KLF13: variants seen among roughly 807,000 people sequenced by gnomAD.
KLF13 encodes KLF transcription factor 13, also known as Krueppel-like factor 13.
A neutral mutation model predicts 16.7 loss-of-function variants in KLF13; 8 were observed. The observed-to-expected ratio is 0.48, with a 90% CI of 0.28 to 0.87. The LOEUF is 0.87. Among genes scored for constraint, KLF13 ranks in the 40% least tolerant of loss-of-function variants. The pLI, the probability that KLF13 is intolerant of heterozygous loss-of-function variation, is 0.10. For missense variants in KLF13, 447 were observed against 452.2 expected, an observed-to-expected ratio of 0.99 and a Z score of 0.10; for synonymous variants, 245 against 208.4, an observed-to-expected ratio of 1.18 and a Z score of -1.51.
At chr15:31,334,432 C>CT (rs879438632) in intron 1 of KLF13, among the ~76,000 whole-genome samples, 109 of 146,112 alleles carry the variant, frequency 7.5e-4, no homozygotes, top group South Asian at 1.3e-3. Flanking sequence ...TTCTTTCTTT[C>CT]TTTTTTTTTT....
At chr15:31,392,013 C>T (rs2039878706), upstream of KLF13, among the ~76,000 whole-genome samples, 1 of 152,018 alleles carries the variant, frequency 6.6e-6, no homozygotes, top group East Asian at 2.0e-4. Flanking sequence ...CCGAGCCCGG[C>T]CGGGCCATTC....
At chr15:31,395,424 T>C (rs1213555306) in intron 2 of KLF13, among the ~76,000 whole-genome samples, 1 of 152,254 alleles carries the variant, frequency 6.6e-6, no homozygotes, top group East Asian at 1.9e-4. Context: ...GTGTACAAGC[T>C]TCTGTGTAGA....
chr15:31,423,260 A>G (rs2040366693), intron 1 of KLF13, among the ~76,000 whole-genome samples: 1 of 148,478 alleles, frequency 6.7e-6, no homozygotes, highest in Non-Finnish European at 1.5e-5. Context: ...AATAGGCAGT[A>G]ACACAGTAAT....
chr15:31,435,657 T>C (rs1333948472), exon 2 of KLF13: 1 of 152,046 alleles, frequency 6.6e-6, no homozygotes, highest in Non-Finnish European at 1.5e-5. Flanking sequence ...TAAAAGAGAG[T>C]TGCTCAGACG....
Position 31,398,892 on chromosome 15 carries a change from C to G in KLF13, n.530-4536C>G, listed in dbSNP as rs781221951. Reference sequence around the variant, plus strand: ...TCGCCTAGTGCTCGCCTACACAGCTCCCTTTGATCTGCCCCACTGGGCGGG... The same window carrying G: ...TCGCCTAGTGCTCGCCTACACAGCTGCCTTTGATCTGCCCCACTGGGCGGG... On this transcript the variant is annotated intron_variant and non_coding_transcript_variant, in intron 2 of 2. Coordinates refer to the KLF13 transcript ENST00000500533. Among the ~76,000 whole-genome samples, 3 of 152,162 alleles carry G rather than the reference C, an allele frequency of 2.0e-5. No individual in the cohort carries two copies. The East Asian group carries it at 5.8e-4, about 29-fold the overall frequency.
At chr15:31,333,819 G>A (rs2038878310) in intron 1 of KLF13, among the ~76,000 whole-genome samples, 1 of 152,126 alleles carries the variant, frequency 6.6e-6, no homozygotes, top group South Asian at 2.1e-4. Context: ...GCATTTGAAG[G>A]CCCAAAGCCA....
At chr15:31,395,498 C>T (rs2039941872) in intron 2 of KLF13, among the ~76,000 whole-genome samples, 1 of 151,964 alleles carries the variant, frequency 6.6e-6, no homozygotes, top group Non-Finnish European at 1.5e-5. Flanking sequence ...TTTCATTTCT[C>T]TCGGGTATAC....
chr15:31,355,371 C>T (rs2039284407), intron 1 of KLF13, among the ~76,000 whole-genome samples: 1 of 152,200 alleles, frequency 6.6e-6, no homozygotes, highest in Admixed American at 6.5e-5. Context: ...AAAGGCTGGA[C>T]TGCCGAGAGC....
intron 1 of KLF13, among the ~76,000 whole-genome samples, chr15:31,328,264 C>T (rs973897723): frequency 2.0e-5 from 3 of 151,500 alleles, no homozygotes; most frequent in Non-Finnish European, 4.4e-5. Flanking sequence ...AGGGGCCGGC[C>T]CCGGCGCGCG....
chr15:31,352,007 G>C (rs1384285803), intron 1 of KLF13, among the ~76,000 whole-genome samples: 1 of 150,792 alleles, frequency 6.6e-6, no homozygotes, highest in Non-Finnish European at 1.5e-5. Flanking sequence ...GTGAGACTCC[G>C]TGTCAAAAAA....
At chr15:31,383,296 C>T (rs1566828807) in intron 1 of KLF13, among the ~76,000 whole-genome samples, 1 of 152,224 alleles carries the variant, frequency 6.6e-6, no homozygotes, top group Non-Finnish European at 1.5e-5. Flanking sequence ...GGAGGATGGC[C>T]TCCTTCCCGG....
chr15:31,385,453 G>C (rs1330610792), intron 1 of KLF13, among the ~76,000 whole-genome samples: 4 of 152,184 alleles, frequency 2.6e-5, no homozygotes, highest in Non-Finnish European at 5.9e-5. Flanking sequence ...GAAGATTTGT[G>C]GCAAATCCAC....
chr15:31,359,208 G>C (rs563610519), intron 1 of KLF13, among the ~76,000 whole-genome samples: 64 of 152,302 alleles, frequency 4.2e-4, no homozygotes, highest in African/African-American at 1.2e-3. Flanking sequence ...TCGGGTGTGC[G>C]TGAAGGAGAG....
chr15:31,366,796 A>G (rs1033953342), intron 1 of KLF13, among the ~76,000 whole-genome samples: 32 of 117,036 alleles, frequency 2.7e-4, no homozygotes, highest in Admixed American at 8.6e-4. Context: ...GTCTGTCCCC[A>G]TAACAGCAGT....
chr15:31,435,227 A>C (rs541665778), intron 1 of KLF13: 1 of 152,390 alleles, frequency 6.6e-6, no homozygotes, highest in South Asian at 2.1e-4. Context: ...CACTGGGGAC[A>C]GCTCGGGCTT....
intron 1 of KLF13, among the ~76,000 whole-genome samples, chr15:31,412,180 G>A (rs1444528241): frequency 6.6e-6 from 1 of 152,216 alleles, no homozygotes; most frequent in African/African-American, 2.4e-5. Context: ...CTTTCACCAT[G>A]TGAGAACACA....
chr15:31,331,903 A>G (rs570517776), intron 1 of KLF13, among the ~76,000 whole-genome samples: 1 of 152,370 alleles, frequency 6.6e-6, no homozygotes, highest in African/African-American at 2.4e-5. Context: ...CCTAGCAAGT[A>G]TCTCACTGCT....
chr15:31,425,734 G>A (rs890593744), intron 1 of KLF13, among the ~76,000 whole-genome samples: 8 of 152,110 alleles, frequency 5.3e-5, no homozygotes, highest in South Asian at 4.1e-4. Flanking sequence ...AAAATTAGTC[G>A]GGCGTGTTAG....
intron 1 of KLF13, among the ~76,000 whole-genome samples, chr15:31,333,965 G>A (rs1290374498): frequency 6.6e-6 from 1 of 152,018 alleles, no homozygotes; most frequent in Non-Finnish European, 1.5e-5. Context: ...GGGGGGGAGG[G>A]CATGGGATAT....
Sources: gnomAD v4.1 joint callset for allele counts (sites outside exome capture counted in the v4.1 genomes callset) on GRCh38, gnomAD v4.1.1 for gene constraint, MANE v1.5 for transcripts, NCBI Gene and HGNC (gene_info 2026-07-23, HGNC 2026-07-21) for gene names.